Variants in KCNQ3 observed in about 807,000 individuals in gnomAD.
KCNQ3 encodes potassium voltage-gated channel subfamily Q member 3.
KCNQ3 carries 30 observed loss-of-function variants against 92.5 expected under a neutral mutation model. The ratio of observed to expected loss-of-function variants is 0.32; its 90% CI spans 0.24 to 0.44. The LOEUF (loss-of-function observed/expected upper bound fraction) is 0.44. Among genes scored for constraint, KCNQ3 ranks in the 20% least tolerant of loss-of-function variants. The pLI, the probability that KCNQ3 is intolerant of heterozygous loss-of-function variation, is 1.00. For missense variants in KCNQ3, 913 were observed against 1,140.3 expected (o/e 0.80, Z 2.87); for synonymous variants, 450 against 468.8 (o/e 0.96, Z 0.52).
intron 1 of KCNQ3, among the ~76,000 whole-genome samples, chr8:132,398,172 A>G (rs981396543): frequency 6.6e-6 from 1 of 151,974 alleles, no homozygotes; most frequent in Non-Finnish European, 1.5e-5. Flanking sequence ...AGTAAACACA[A>G]CTCCCAAAAT....
intron 1 of KCNQ3, among the ~76,000 whole-genome samples, chr8:132,249,151 A>G (rs749802935): frequency 1.3e-5 from 2 of 152,202 alleles, no homozygotes; most frequent in Non-Finnish European, 2.9e-5. Context: ...AAGAGTGAGC[A>G]GCAACAAGAT....
chr8:132,248,563 G>A (rs929878448), intron 1 of KCNQ3, among the ~76,000 whole-genome samples: 8 of 152,108 alleles, frequency 5.3e-5, no homozygotes, highest in Admixed American at 2.6e-4. Flanking sequence ...AAAACCAAGT[G>A]AGAGCTCAAA....
chr8:132,240,031 A>C (rs759036566), intron 1 of KCNQ3, among the ~76,000 whole-genome samples: 1 of 152,230 alleles, frequency 6.6e-6, no homozygotes, highest in Non-Finnish European at 1.5e-5. Context: ...TCTAGGTCTA[A>C]AGGAAACTTT....
chr8:132,398,385 CAGAT>C (rs1820248821), intron 1 of KCNQ3, among the ~76,000 whole-genome samples: 1 of 151,970 alleles, frequency 6.6e-6, no homozygotes, highest in Non-Finnish European at 1.5e-5. Flanking sequence ...TTTATAGAAT[CAGAT>C]AGAATAGAAA....
intron 1 of KCNQ3, among the ~76,000 whole-genome samples, chr8:132,210,798 T>C (rs1813827932): frequency 6.6e-6 from 1 of 152,234 alleles, no homozygotes; most frequent in African/African-American, 2.4e-5. Context: ...TTTGATGTTA[T>C]ATCAAGAGAG....
intron 1 of KCNQ3, among the ~76,000 whole-genome samples, chr8:132,195,749 C>CTA (rs1202076175): frequency 6.6e-6 from 1 of 152,186 alleles, no homozygotes. Flanking sequence ...CATGATTCAA[C>CTA]TATATGCTGT....
chr8:132,304,618 A>G (rs1817358864), intron 1 of KCNQ3, among the ~76,000 whole-genome samples: 1 of 152,206 alleles, frequency 6.6e-6, no homozygotes, highest in South Asian at 2.1e-4. Flanking sequence ...CACAATATTC[A>G]TAGTACAAAT....
In KCNQ3 at chr8:132,133,354, C is replaced by CTTTTTTTTTTTTTTTTTT. The variant is rs10673519; in HGVS notation, c.1799+918_1799+935dup. Reference sequence around the variant, plus strand: ...TATCATCACGTTAATGCTCTCGATTCTTTTTTTTTTTTTTTTTTTTGAGAT... The same window carrying CTTTTTTTTTTTTTTTTTT: ...TATCATCACGTTAATGCTCTCGATTCTTTTTTTTTTTTTTTTTTTTTTTTTTTTTTTTTTTTTTGAGAT... On this transcript the variant is annotated intron_variant, in intron 13 of 14. Coordinates refer to ENST00000388996, the MANE Select transcript of KCNQ3 (RefSeq NM_004519.4). Among the ~76,000 whole-genome samples, 2 of 103,478 alleles carry CTTTTTTTTTTTTTTTTTT rather than the reference C, an allele frequency of 1.9e-5. 1 individual carries two copies. Among genetic ancestry groups the CTTTTTTTTTTTTTTTTTT allele is most frequent in the African/African-American group, 7.4e-5 (2 of 26,846 alleles). The allele number at this position is 103,478 out of a possible 152,430, so 67.9% of individuals were successfully genotyped here.
chr8:132,283,881 G>A (rs1456992822), intron 1 of KCNQ3, among the ~76,000 whole-genome samples: 1 of 152,138 alleles, frequency 6.6e-6, no homozygotes, highest in Non-Finnish European at 1.5e-5. Context: ...ATCAGGATTG[G>A]AACCCCAATC....
chr8:132,460,717 T>C (rs1759738817), intron 1 of KCNQ3, among the ~76,000 whole-genome samples: 1 of 152,216 alleles, frequency 6.6e-6, no homozygotes, highest in Non-Finnish European at 1.5e-5. Flanking sequence ...CTTCCTGGGG[T>C]TCCGTGACCT....
chr8:132,445,953 A>T (rs1233251050), intron 1 of KCNQ3, among the ~76,000 whole-genome samples: 3 of 152,202 alleles, frequency 2.0e-5, no homozygotes, highest in Non-Finnish European at 4.4e-5. Flanking sequence ...CCAAGCAAGA[A>T]GTCCATCTTA....
rs115666313 is a variant in KCNQ3 at position 132,132,920 on chromosome 8, T to C, written c.1800-656A>G. Among the ~76,000 whole-genome samples the C allele has an allele frequency of 1.9e-3, 293 of 152,344 alleles. 1 individual carries two copies. Among genetic ancestry groups the C allele is most frequent in the African/African-American group, 6.7e-3 (278 of 41,572 alleles). ...CTAGCTATTTGCTAGAAACCATTCA[T>C]GCTAGGCACTTTCTCAATAGTTGAT... On this transcript the variant is annotated intron_variant, in intron 13 of 14. Transcript: ENST00000388996.
chr8:132,391,332 GC>G (rs1436976860), intron 1 of KCNQ3, among the ~76,000 whole-genome samples: 1 of 152,064 alleles, frequency 6.6e-6, no homozygotes, highest in Non-Finnish European at 1.5e-5. Context: ...ATCTCTGAAA[GC>G]CTCAATGCTC....
chr8:132,280,530 T>C (rs1435057565), intron 1 of KCNQ3, among the ~76,000 whole-genome samples: 1 of 152,154 alleles, frequency 6.6e-6, no homozygotes, highest in Admixed American at 6.5e-5. Flanking sequence ...CAACAAGCCA[T>C]GACGGATCTG....
At chr8:132,221,049 G>T (rs924156801) in intron 1 of KCNQ3, among the ~76,000 whole-genome samples, 1 of 152,128 alleles carries the variant, frequency 6.6e-6, no homozygotes, top group African/African-American at 2.4e-5. Context: ...TCCCACCTAT[G>T]AGTGAGAACA....
intron 1 of KCNQ3, among the ~76,000 whole-genome samples, chr8:132,302,827 G>C (rs1018305067): frequency 6.6e-6 from 1 of 152,188 alleles, no homozygotes; most frequent in Non-Finnish European, 1.5e-5. Flanking sequence ...CAGCATGGTG[G>C]TCCTTTGGCC....
chr8:132,368,460 C>G (rs1819382623), intron 1 of KCNQ3, among the ~76,000 whole-genome samples: 1 of 152,038 alleles, frequency 6.6e-6, no homozygotes, highest in African/African-American at 2.4e-5. Flanking sequence ...TGAGACCAGC[C>G]TGGGAAACAC....
chr8:132,460,475 T>C (rs531598292), intron 1 of KCNQ3, among the ~76,000 whole-genome samples: 13 of 152,286 alleles, frequency 8.5e-5, no homozygotes, highest in East Asian at 7.7e-4. Flanking sequence ...ACCACTGCCA[T>C]ATTTTGCTTA....
chr8:132,187,639 G>A (rs976416310), intron 1 of KCNQ3, among the ~76,000 whole-genome samples: 1 of 152,072 alleles, frequency 6.6e-6, no homozygotes, highest in African/African-American at 2.4e-5. Context: ...GGTGGTGGTG[G>A]TGATGATGAT....
Sources: allele counts gnomAD v4.1 joint callset (sites outside exome capture counted in the v4.1 genomes callset), GRCh38; gene constraint gnomAD v4.1.1; transcripts MANE v1.5; gene names NCBI Gene and HGNC (gene_info 2026-07-23, HGNC 2026-07-21).